The following MBTD1 variants were observed in gnomAD, a reference collection of about 807,000 sequenced individuals.
MBTD1 encodes mbt domain containing 1, also known as MBT domain-containing protein 1.
In MBTD1, 24 loss-of-function variants were observed where a neutral mutation model predicts 87.8. The observed-to-expected ratio is 0.27, with a 90% CI of 0.20 to 0.38. The LOEUF (loss-of-function observed/expected upper bound fraction) is 0.38, where lower values mean the gene tolerates loss of function less well. Among genes scored for constraint, MBTD1 ranks in the 10% least tolerant of loss-of-function variants. The pLI is 1.00. For missense variants in MBTD1, 436 were observed against 760.2 expected (o/e 0.57, Z 5.02); for synonymous variants, 237 against 248.6 (o/e 0.95, Z 0.44).
intron 6 of MBTD1, among the ~76,000 whole-genome samples, chr17:51,210,425 C>T (rs1025450043): frequency 1.3e-5 from 2 of 151,984 alleles, no homozygotes; most frequent in Non-Finnish European, 2.9e-5. Flanking sequence ...TGAGATAATG[C>T]TATGTATATG....
chr17:51,259,686 G>C, intron 1 of MBTD1, 149 bp downstream of exon 1: 2 of 679,240 alleles, frequency 2.9e-6, no homozygotes, highest in Non-Finnish European at 4.1e-6. Flanking sequence ...CGGCTGGAAG[G>C]GGGAGGGGGG....
intron 6 of MBTD1, chr17:51,209,572 T>C: frequency 2.2e-6 from 1 of 447,464 alleles, no homozygotes; most frequent in Non-Finnish European, 4.6e-6. Context: ...TACTTCAAGA[T>C]CATTCCCAGA....
At chr17:51,194,183 T>A (rs556928691) in intron 13 of MBTD1, among the ~76,000 whole-genome samples, 2 of 152,340 alleles carry the variant, frequency 1.3e-5, no homozygotes, top group Non-Finnish European at 2.9e-5. Flanking sequence ...CTGTTATAGC[T>A]TTCCTCCTTT....
chr17:51,232,773 C>T (rs1393704764), intron 2 of MBTD1, among the ~76,000 whole-genome samples: 1 of 152,078 alleles, frequency 6.6e-6, no homozygotes, highest in African/African-American at 2.4e-5. Flanking sequence ...CACAGTGGCT[C>T]ATGTCTATAA....
chr17:51,245,105 T>G (rs2054356741), intron 2 of MBTD1, among the ~76,000 whole-genome samples: 1 of 152,174 alleles, frequency 6.6e-6, no homozygotes. Context: ...TTTCACCATG[T>G]TAGCCAGGAT....
rs541699441 is a variant in MBTD1 at position 51,246,522 on chromosome 17, T to C, written c.-49+12621A>G. On this transcript the variant is annotated intron_variant, in intron 2 of 16. Transcript: ENST00000586178. ...CACTACACAAAGGTTTATTATTTTA[T>C]ATCCTACCTCGCTGAATTGTTTGAA... is the stretch of plus-strand genomic sequence containing the variant. 3.9e-5 allele frequency among the ~76,000 whole-genome samples: 6 copies of C among 152,356 alleles called. No homozygotes were observed. In the East Asian group the frequency reaches 1.2e-3, roughly 29 times the overall value.
At chr17:51,202,668 C>T in intron 10 of MBTD1, 33 bp downstream of exon 10, 1 of 1,506,688 alleles carries the variant, frequency 6.6e-7, no homozygotes, top group Non-Finnish European at 9.2e-7. Flanking sequence ...CTCAATGATG[C>T]TTTTGACAGG....
chr17:51,190,205 T>C (rs142456674), intron 16 of MBTD1, among the ~76,000 whole-genome samples: 2 of 152,306 alleles, frequency 1.3e-5, no homozygotes, highest in Non-Finnish European at 1.5e-5. Context: ...CTGAGCATAT[T>C]TGGCAAGTCA....
chr17:51,254,376 A>C (rs182786027), intron 2 of MBTD1, among the ~76,000 whole-genome samples: 9 of 152,326 alleles, frequency 5.9e-5, no homozygotes, highest in African/African-American at 2.2e-4. Context: ...GGGATTACTG[A>C]GTTTTTATTT....
chr17:51,246,675 G>T (rs9896845), intron 2 of MBTD1, among the ~76,000 whole-genome samples: 10 of 152,084 alleles, frequency 6.6e-5, no homozygotes, highest in African/African-American at 1.9e-4. Flanking sequence ...TCACTCTGTC[G>T]TCCAGGCTGG....
At chr17:51,205,515 T>A (rs965111188) in intron 7 of MBTD1, among the ~76,000 whole-genome samples, 3 of 152,196 alleles carry the variant, frequency 2.0e-5, no homozygotes, top group African/African-American at 7.2e-5. Flanking sequence ...AGTGAATGCT[T>A]ATACAGCTGG....
At chr17:51,260,675 G>C (rs1402350521), upstream of MBTD1, 1 of 1,610,928 alleles carries the variant, frequency 6.2e-7, no homozygotes, top group African/African-American at 1.3e-5. Context: ...GGACTGGAAA[G>C]CCGGAGCGGG....
chr17:51,259,690 A>C, intron 1 of MBTD1, 145 bp downstream of exon 1: 10 of 581,034 alleles, frequency 1.7e-5, no homozygotes, highest in South Asian at 1.8e-4. Flanking sequence ...TGGAAGGGGG[A>C]GGGGGGCTCC....
upstream of MBTD1, chr17:51,260,571 C>T (rs751192829): frequency 2.4e-5 from 39 of 1,609,894 alleles, no homozygotes; most frequent in East Asian, 4.5e-5. Context: ...CTGCGTTTCT[C>T]CTCAAACCTA....
Position 51,203,882 on chromosome 17 carries a change from A to T in MBTD1, c.648T>A (p.Ser216=). Reference sequence around the variant, plus strand: ...ATATATTGCACCAGAAGTCCAGACCAGAGTCATTTTCAAATCCTTCATATC... The same window carrying T: ...ATATATTGCACCAGAAGTCCAGACCTGAGTCATTTTCAAATCCTTCATATC... The part of the protein sequence containing the change: ...LLRYEGFEND[S]GLDFWCNICG... The change falls in exon 8 of 17, where the codon TCT becomes TCA. Residue 216 remains serine (S), a synonymous_variant. Transcript: ENST00000586178. The T allele has an allele frequency of 1.2e-6, 2 of 1,612,954 alleles. No homozygotes were observed. The highest frequency in any genetic ancestry group is 1.7e-6 in the Non-Finnish European group (2 of 1,179,620).
rs561347563 is a variant in MBTD1 at position 51,187,469 on chromosome 17, C to A, written c.1768+4734G>T. 6.0e-5 allele frequency among the ~76,000 whole-genome samples: 9 copies of A among 150,814 alleles called. No individual in the cohort carries two copies. In the South Asian group the frequency reaches 1.9e-3, roughly 32 times the overall value. On this transcript the variant is annotated intron_variant, in intron 16 of 16. Coordinates refer to ENST00000586178, the MANE Select transcript of MBTD1 (RefSeq NM_017643.3). ...CTATACAAATATAAGCCTTCCAAGA[C>A]ATGTACAATGCTTTTGCCAACCAAA... is the stretch of plus-strand genomic sequence containing the variant.
chr17:51,233,410 T>C (rs530671388), intron 2 of MBTD1, among the ~76,000 whole-genome samples: 13 of 152,218 alleles, frequency 8.5e-5, no homozygotes, highest in Admixed American at 8.5e-4. Flanking sequence ...TTACGAATTC[T>C]TCAGAGATGT....
chr17:51,241,353 T>G (rs2144027802), intron 2 of MBTD1, among the ~76,000 whole-genome samples: 1 of 152,264 alleles, frequency 6.6e-6, no homozygotes, highest in East Asian at 1.9e-4. Context: ...ATAAGCAATC[T>G]ATGGGGAGAC....
Position 51,253,001 on chromosome 17 carries a change from G to T in MBTD1, c.-49+6142C>A, listed in dbSNP as rs1029841195. 2.0e-5 allele frequency among the ~76,000 whole-genome samples: 3 copies of T among 151,532 alleles called. No individual in the cohort carries two copies. In the Admixed American group the frequency reaches 2.0e-4, roughly 10 times the overall value. On this transcript the variant is annotated intron_variant, in intron 2 of 16. Coordinates refer to ENST00000586178, the MANE Select transcript of MBTD1 (RefSeq NM_017643.3). ...GAATGAAAGCAGTTGTCTCATCAGAGCTGAATTGGGACAAGGACCATTTTT... is the reference window on the plus strand; with the variant it reads ...GAATGAAAGCAGTTGTCTCATCAGATCTGAATTGGGACAAGGACCATTTTT...
Sources: gnomAD v4.1 joint callset for allele counts (sites outside exome capture counted in the v4.1 genomes callset) on GRCh38, gnomAD v4.1.1 for gene constraint, MANE v1.5 for transcripts, NCBI Gene and HGNC (gene_info 2026-07-23, HGNC 2026-07-21) for gene names.